NPAS1: variants seen among roughly 807,000 people sequenced by gnomAD.
NPAS1 encodes neuronal PAS domain-containing protein 1.
NPAS1 carries 29 observed loss-of-function variants against 49.2 expected under a neutral mutation model. The ratio of observed to expected loss-of-function variants is 0.59; its 90% CI spans 0.44 to 0.80. NPAS1 has a LOEUF of 0.80. Ranked by LOEUF, NPAS1 falls within the 30% of genes least tolerant of loss-of-function variation. The pLI is 0.00. For missense variants in NPAS1, 825 were observed against 835.5 expected, an observed-to-expected ratio of 0.99 and a Z score of 0.15; for synonymous variants, 408 against 380.4, an observed-to-expected ratio of 1.07 and a Z score of -0.84.
intron 3 of NPAS1, among the ~76,000 whole-genome samples, chr19:47,030,969 T>C (rs934077832): frequency 6.6e-6 from 1 of 152,128 alleles, no homozygotes; most frequent in Non-Finnish European, 1.5e-5. Context: ...TGTCTTTTTG[T>C]TGTTGAGTTG....
At chr19:47,026,665 G>C (rs1426775769) in intron 3 of NPAS1, among the ~76,000 whole-genome samples, 17 of 152,034 alleles carry the variant, frequency 1.1e-4, no homozygotes, top group Admixed American at 1.1e-3. Flanking sequence ...ATACTGAAAA[G>C]AAAAGTGCGG....
intron 3 of NPAS1, among the ~76,000 whole-genome samples, chr19:47,030,362 G>A (rs1299534746): frequency 6.6e-6 from 1 of 152,004 alleles, no homozygotes; most frequent in Non-Finnish European, 1.5e-5. Context: ...AGCGGGTGTG[G>A]AGTGGTGTCT....
In NPAS1 at chr19:47,027,640, C is replaced by CTGT. The variant is rs1329998425; in HGVS notation, c.359-4638_359-4637insTGT. 9.4e-4 allele frequency among the ~76,000 whole-genome samples: 62 copies of CTGT among 66,116 alleles called. 19 individuals carry two copies. The highest frequency in any genetic ancestry group is 3.1e-3 in the African/African-American group (54 of 17,566). 43.4% of individuals were successfully genotyped at this position (66,116 alleles called of 152,430 possible). On this transcript the variant is annotated intron_variant, in intron 3 of 11. Transcript: ENST00000602212. ...CTCCCGTCTCTCTGCCCCTGGTCTCCCGTCTGTCTGCCCCTGGTCTCCCTT... is the reference window on the plus strand; with the variant it reads ...CTCCCGTCTCTCTGCCCCTGGTCTCCTGTCGTCTGTCTGCCCCTGGTCTCCCTT...
intron 3 of NPAS1, among the ~76,000 whole-genome samples, chr19:47,023,836 G>A (rs779089083): frequency 6.6e-6 from 1 of 152,132 alleles, no homozygotes; most frequent in Non-Finnish European, 1.5e-5. Context: ...GCTGGGCACG[G>A]TGGCTCACAC....
chr19:47,022,036 G>A (rs1158360833), intron 3 of NPAS1, among the ~76,000 whole-genome samples, 189 bp downstream of exon 3: 1 of 152,262 alleles, frequency 6.6e-6, no homozygotes, highest in Non-Finnish European at 1.5e-5. Context: ...ATGGGCGCAA[G>A]AGGTTGGGAA....
At chr19:47,022,578 A>C (rs2122427370) in intron 3 of NPAS1, among the ~76,000 whole-genome samples, 1 of 121,924 alleles carries the variant, frequency 8.2e-6, no homozygotes, top group East Asian at 2.8e-4. Flanking sequence ...GTAACCTTGC[A>C]GGGCTGCTGG....
chr19:47,036,811 G>A (rs8100933), intron 6 of NPAS1, among the ~76,000 whole-genome samples: 35,468 of 151,682 alleles, frequency 0.23, 4,440 homozygotes, highest in South Asian at 0.42. Flanking sequence ...GAACCCAGGA[G>A]ATGGATGTTG....
At chr19:47,038,045 G>A (rs1447631586) in intron 6 of NPAS1, among the ~76,000 whole-genome samples, 1 of 152,200 alleles carries the variant, frequency 6.6e-6, no homozygotes, top group African/African-American at 2.4e-5. Flanking sequence ...GGCTGGGATA[G>A]GGGAACCCAG....
chr19:47,024,076 G>C (rs1023491237), intron 3 of NPAS1, among the ~76,000 whole-genome samples: 1 of 152,020 alleles, frequency 6.6e-6, no homozygotes, highest in Non-Finnish European at 1.5e-5. Context: ...CTGCACTCCA[G>C]ACTAGTGACA....
intron 3 of NPAS1, among the ~76,000 whole-genome samples, chr19:47,029,150 C>T (rs2056891004): frequency 6.6e-6 from 1 of 151,914 alleles, no homozygotes; most frequent in African/African-American, 2.4e-5. Flanking sequence ...GGCACAATCT[C>T]GGCTCACTGC....
rs542860231 is a variant in NPAS1 at position 47,025,437 on chromosome 19, C to T, written c.358+3590C>T. On this transcript the variant is annotated intron_variant, in intron 3 of 11. Coordinates refer to ENST00000602212, the MANE Select transcript of NPAS1 (RefSeq NM_002517.4). ...GGGATTACAGGCATGCGCCACCACGCCCAGCTAATTTTGTATTTTTAGTAG... is the reference window on the plus strand; with the variant it reads ...GGGATTACAGGCATGCGCCACCACGTCCAGCTAATTTTGTATTTTTAGTAG... 8.0e-5 allele frequency among the ~76,000 whole-genome samples: 7 copies of T among 87,734 alleles called. 1 individual carries two copies. The South Asian group carries it at 1.3e-3, about 17-fold the overall frequency. The allele number at this position is 87,734 out of a possible 152,430, so 57.6% of individuals were successfully genotyped here.
rs773336540 is a variant in NPAS1, at chr19:47,021,668, A to C, written c.179A>C (p.Lys60Thr). The C allele has an allele frequency of 6.4e-7, 1 of 1,560,180 alleles. No individual in the cohort carries two copies. The highest frequency in any genetic ancestry group is 1.2e-5 in the South Asian group (1 of 84,494). ...SRNAARSRRGKENLEFFELAK... is the reference protein window; with the variant it reads ...SRNAARSRRGTENLEFFELAK... ...AACGCGGCGCGCTCGCGGCGCGGGA[A>C]GGAGAACCTGGAGTTCTTCGAGCTG... Residue 60 changes from lysine to threonine, a missense_variant, in exon 3 of 12, where the codon AAG (lysine) becomes ACG (threonine). Lys to Thr is a moderately conservative substitution (Grantham distance 78). Transcript: ENST00000602212. This position sits in a 1 kb window ranked among gnomAD's most constrained non-coding sequence, Gnocchi z 5.7.
intron 3 of NPAS1, among the ~76,000 whole-genome samples, chr19:47,027,881 G>A (rs2056884257): frequency 6.6e-6 from 1 of 152,164 alleles, no homozygotes; most frequent in South Asian, 2.1e-4. Flanking sequence ...AAAGTCTCCT[G>A]CTGAATGTGG....
At chr19:47,024,475 G>C (rs1314442400) in intron 3 of NPAS1, among the ~76,000 whole-genome samples, 2 of 150,268 alleles carry the variant, frequency 1.3e-5, no homozygotes, top group African/African-American at 4.9e-5. Context: ...AATATAGCGA[G>C]ACCCCGTTCT....
At chr19:47,023,176 G>A (rs1453912447) in intron 3 of NPAS1, among the ~76,000 whole-genome samples, 3 of 152,222 alleles carry the variant, frequency 2.0e-5, no homozygotes, top group Non-Finnish European at 4.4e-5. Flanking sequence ...CGGAGAGAAT[G>A]CGGCATTAGC....
chr19:47,029,414 A>G (rs2056892856), intron 3 of NPAS1, among the ~76,000 whole-genome samples: 1 of 137,748 alleles, frequency 7.3e-6, no homozygotes, highest in African/African-American at 2.7e-5. Flanking sequence ...TATTATTATT[A>G]TTGAGATGCA....
rs182632567 is a variant in NPAS1, at chr19:47,025,298, G to A, written c.358+3451G>A. ...TGACATCTTTATTTATTTATTTATA[G>A]ACGGAGTTTTGCTCTTGTTGCCCAG... On this transcript the variant is annotated intron_variant, in intron 3 of 11. Transcript: ENST00000602212. Among the ~76,000 whole-genome samples the A allele has an allele frequency of 2.7e-4, 36 of 132,894 alleles. 9 individuals are homozygous for A. The East Asian group carries it at 9.5e-3, about 35-fold the overall frequency. The allele number at this position is 132,894 out of a possible 152,430, so 87.2% of individuals were successfully genotyped here. A position where few individuals can be genotyped will look rare whatever the true frequency, so the allele number is the denominator to read the frequency against.
chr19:47,037,225 C>A (rs935226776), intron 6 of NPAS1, among the ~76,000 whole-genome samples: 41 of 149,950 alleles, frequency 2.7e-4, no homozygotes, highest in Non-Finnish European at 5.9e-5. Context: ...GGTGCAGGTG[C>A]CTGTGATCCC....
At position 47,039,097 on chromosome 19, in the gene NPAS1, C is replaced by A. The variant is rs2056991295; in HGVS notation, c.750C>A (p.Arg250=). 9.3e-6 allele frequency: 15 copies of A among 1,613,882 alleles called. No individual in the cohort carries two copies. In the East Asian group the frequency reaches 3.1e-4, roughly 34 times the overall value. The change falls in exon 7 of 12, where the codon CGC becomes CGA. Residue 250 remains arginine, a synonymous_variant. Coordinates refer to ENST00000602212, the MANE Select transcript of NPAS1 (RefSeq NM_002517.4). ...TCCAGGAGCGCTCCTTCTTTGTCCG[C>A]ATGAAATCCACGCTCACCAAGAGGG... ...SLVQERSFFV[R]MKSTLTKRGL... is the part of the protein sequence containing the mutation.
Sources: allele counts gnomAD v4.1 joint callset (sites outside exome capture counted in the v4.1 genomes callset), GRCh38; gene constraint gnomAD v4.1.1; non-coding constraint Gnocchi (gnomAD v3.1); transcripts MANE v1.5; gene names NCBI Gene and HGNC (gene_info 2026-07-23, HGNC 2026-07-21).